ASAP1: variants seen among roughly 807,000 people sequenced by gnomAD.
ASAP1 encodes the protein ArfGAP with SH3 domain, ankyrin repeat and PH domain 1.
A neutral mutation model predicts 145.2 loss-of-function variants in ASAP1; 43 were observed. The observed-to-expected ratio is 0.30, with a 90% CI of 0.23 to 0.38. ASAP1 has a LOEUF of 0.38. Ranked by LOEUF, ASAP1 falls within the 10% of genes least tolerant of loss-of-function variation. ASAP1 has a pLI of 1.00. For missense variants in ASAP1, 1,018 were observed against 1,355.3 expected (o/e 0.75, Z 3.91); for synonymous variants, 546 against 515.5 (o/e 1.06, Z -0.80).
At position 130,082,651 on chromosome 8, in the gene ASAP1, G is replaced by C. The variant is rs536208681; in HGVS notation, c.2573-2680C>G. On this transcript the variant is annotated intron_variant, in intron 25 of 29. Coordinates refer to ENST00000518721, the MANE Select transcript of ASAP1 (RefSeq NM_018482.4). ...CCCAAGTAGCTAGGACTACATGCAT[G>C]ACCCACCATGCCTGGTTAATTTTAA... 8 of 150,612 alleles carry C rather than the reference G, an allele frequency of 5.3e-5. No individual in the cohort carries two copies. The East Asian group carries it at 1.6e-3, about 29-fold the overall frequency. The allele number at this position is 150,612 out of a possible 1,614,324, so 9.3% of individuals were successfully genotyped here. A position where few individuals can be genotyped will look rare whatever the true frequency, so the allele number is the denominator to read the frequency against.
At chr8:130,300,186 AGCGAGC>A (rs1822575358) in intron 3 of ASAP1, among the ~76,000 whole-genome samples, 1 of 146,026 alleles carries the variant, frequency 6.8e-6, no homozygotes, top group Non-Finnish European at 1.5e-5. Flanking sequence ...AGAGAGAGAG[AGCGAGC>A]GAGCGAGCAG....
chr8:130,415,644 C>T (rs1319403284), intron 1 of ASAP1, among the ~76,000 whole-genome samples: 1 of 151,974 alleles, frequency 6.6e-6, no homozygotes, highest in Non-Finnish European at 1.5e-5. Flanking sequence ...AAAAATTAGC[C>T]GGGCATGGTG....
chr8:130,117,852 T>C (rs1486906239), intron 20 of ASAP1, among the ~76,000 whole-genome samples: 1 of 152,228 alleles, frequency 6.6e-6, no homozygotes, highest in Non-Finnish European at 1.5e-5. Context: ...GGCCAAGAGA[T>C]GGCAAACTAC....
chr8:130,383,269 T>C (rs893358439), intron 2 of ASAP1, among the ~76,000 whole-genome samples: 1 of 152,250 alleles, frequency 6.6e-6, no homozygotes, highest in Non-Finnish European at 1.5e-5. Context: ...GGAGGAGTGC[T>C]TCCTGCCTGG....
At chr8:130,214,213 G>C (rs1816752850) in intron 5 of ASAP1, among the ~76,000 whole-genome samples, 1 of 152,028 alleles carries the variant, frequency 6.6e-6, no homozygotes, top group Non-Finnish European at 1.5e-5. Flanking sequence ...AAAAGCAAAA[G>C]TTGCTAAAGG....
At chr8:130,286,135 C>T (rs534012210) in intron 3 of ASAP1, among the ~76,000 whole-genome samples, 1 of 152,290 alleles carries the variant, frequency 6.6e-6, no homozygotes, top group Admixed American at 6.5e-5. Context: ...GAAAAGAAGG[C>T]TCAGGGCACA....
Position 130,236,991 on chromosome 8 carries a change from G to A in ASAP1, c.190C>T (p.Leu64=), listed in dbSNP as rs1165748748. 1.3e-6 allele frequency: 2 copies of A among 1,582,080 alleles called. No homozygotes were observed. The highest frequency in any genetic ancestry group is 2.7e-5 in the African/African-American group (2 of 73,536). Residue 64 remains leucine (L), a synonymous_variant, in exon 4 of 30, where the codon CTA becomes TTA. Coordinates refer to ENST00000518721, the MANE Select transcript of ASAP1 (RefSeq NM_018482.4). The part of the protein sequence containing the change: ...RNTVTLLEEA[L]DQDRTALQKV... ...TGAAGGGCTGTTCTATCTTGGTCTAGAGCCTAAAAGAGAAAAAAGGGGGAA... is the reference window on the plus strand; with the variant it reads ...TGAAGGGCTGTTCTATCTTGGTCTAAAGCCTAAAAGAGAAAAAAGGGGGAA...
At chr8:130,334,471 T>C (rs1300400560) in intron 3 of ASAP1, among the ~76,000 whole-genome samples, 4 of 152,226 alleles carry the variant, frequency 2.6e-5, no homozygotes, top group Non-Finnish European at 2.9e-5. Flanking sequence ...TTTTTAACTT[T>C]TAAACCACAG....
chr8:130,277,308 G>C (rs1186663683), intron 3 of ASAP1, among the ~76,000 whole-genome samples: 22 of 152,124 alleles, frequency 1.4e-4, no homozygotes, highest in Admixed American at 1.4e-3. Flanking sequence ...TGGTAACGAG[G>C]ACAACGGCTA....
intron 1 of ASAP1, among the ~76,000 whole-genome samples, chr8:130,422,084 GGAACGGCCTCC>G (rs1829742229): frequency 6.6e-6 from 1 of 152,180 alleles, no homozygotes; most frequent in South Asian, 2.1e-4. Flanking sequence ...AGGCTGGTCA[GGAACGGCCTCC>G]TGGAAGAGGG....
chr8:130,069,411 A>AT (rs1235615202), intron 27 of ASAP1: 1 of 152,022 alleles, frequency 6.6e-6, no homozygotes, highest in Non-Finnish European at 1.5e-5. Context: ...AATTTTGTGT[A>AT]TTTTATGTAG....
rs1358147816 is a variant in ASAP1 at position 130,232,816 on chromosome 8, ATATCACATGGGTTT to A, written c.259+4092_259+4105del. On this transcript the variant is annotated intron_variant, in intron 4 of 29. Coordinates refer to ENST00000518721, the MANE Select transcript of ASAP1 (RefSeq NM_018482.4). ...GAAATCCTTTTTAAATGTTTAAAAA[ATATCACATGGGTTT>A]TGTATCACTTAAGCATTGTGAGAAA... 6.0e-4 allele frequency among the ~76,000 whole-genome samples: 91 copies of A among 152,348 alleles called. 2 individuals are homozygous for A. Among genetic ancestry groups the A allele is most frequent in the Non-Finnish European group, 4.0e-4 (27 of 68,034 alleles).
chr8:130,344,567 T>C (rs932420045), intron 3 of ASAP1, among the ~76,000 whole-genome samples: 1 of 152,126 alleles, frequency 6.6e-6, no homozygotes, highest in Non-Finnish European at 1.5e-5. Context: ...TGTGCAAAAA[T>C]TTAAGTTAAC....
At chr8:130,074,033 T>C (rs575906632) in intron 27 of ASAP1, among the ~76,000 whole-genome samples, 39 of 152,256 alleles carry the variant, frequency 2.6e-4, no homozygotes, top group African/African-American at 9.1e-4. Context: ...AGGGGAAACT[T>C]TAGCCTAAGA....
intron 12 of ASAP1, among the ~76,000 whole-genome samples, chr8:130,159,021 G>A (rs953666203): frequency 1.3e-5 from 2 of 151,904 alleles, no homozygotes; most frequent in Non-Finnish European, 2.9e-5. Context: ...GTGAGCCACC[G>A]CGCCCGGCTG....
At chr8:130,400,018 C>G (rs1828710196) in intron 2 of ASAP1, among the ~76,000 whole-genome samples, 1 of 152,040 alleles carries the variant, frequency 6.6e-6, no homozygotes, top group Non-Finnish European at 1.5e-5. Context: ...CAGAGTTTCT[C>G]CATGTTGCTT....
At chr8:130,272,476 C>T (rs941560732) in intron 3 of ASAP1, among the ~76,000 whole-genome samples, 2 of 152,148 alleles carry the variant, frequency 1.3e-5, no homozygotes, top group Non-Finnish European at 2.9e-5. Flanking sequence ...TACAATCCAG[C>T]AATTCCACTA....
intron 3 of ASAP1, among the ~76,000 whole-genome samples, chr8:130,337,551 A>G (rs867741061): frequency 6.6e-6 from 1 of 152,324 alleles, no homozygotes; most frequent in Middle Eastern, 3.4e-3. Context: ...TTAACAGAAA[A>G]AAATTGTTAC....
intron 3 of ASAP1, among the ~76,000 whole-genome samples, chr8:130,252,807 T>G (rs530340449): frequency 4.7e-4 from 72 of 152,240 alleles, no homozygotes; most frequent in African/African-American, 1.5e-3. Context: ...ACCAAAAAAA[T>G]ACTCATGAAA....
Sources: gnomAD v4.1 joint callset for allele counts (sites outside exome capture counted in the v4.1 genomes callset) on GRCh38, gnomAD v4.1.1 for gene constraint, MANE v1.5 for transcripts, NCBI Gene and HGNC (gene_info 2026-07-23, HGNC 2026-07-21) for gene names.